CNTNAP2: variants seen among roughly 807,000 people sequenced by gnomAD.
CNTNAP2 encodes contactin associated protein 2.
CNTNAP2 carries 98 observed loss-of-function variants against 155.2 expected under a neutral mutation model. The ratio of observed to expected loss-of-function variants is 0.63; its 90% CI spans 0.54 to 0.75. The LOEUF is 0.75. CNTNAP2 is among the 30% of genes least tolerant of loss of function. CNTNAP2 has a pLI of 0.00. For synonymous variants in CNTNAP2, 651 were observed against 631.2 expected (o/e 1.03, Z -0.47); for missense variants, 1,727 against 1,688.1 (o/e 1.02, Z -0.40).
At chr7:148,402,042 A>G (rs1046761249) in intron 22 of CNTNAP2, among the ~76,000 whole-genome samples, 5 of 152,236 alleles carry the variant, frequency 3.3e-5, no homozygotes, top group Admixed American at 3.3e-4. Context: ...ACTGATGGAA[A>G]GAGGGAGTAC....
intron 2 of CNTNAP2, among the ~76,000 whole-genome samples, chr7:146,816,674 G>A (rs920577069): frequency 2.6e-5 from 4 of 152,132 alleles, no homozygotes; most frequent in African/African-American, 7.2e-5. Context: ...TTAAACAGTA[G>A]GATAGACTGC....
intron 1 of CNTNAP2, 141 bp from the exon 2 acceptor site, chr7:146,774,130 G>T (rs1802345472): frequency 5.9e-6 from 4 of 678,948 alleles, no homozygotes; most frequent in Non-Finnish European, 1.1e-5. Context: ...TAACAGAATT[G>T]CCTAAATTCC....
At chr7:146,693,971 T>C (rs1030370551) in intron 1 of CNTNAP2, among the ~76,000 whole-genome samples, 16 of 151,936 alleles carry the variant, frequency 1.1e-4, no homozygotes, top group Non-Finnish European at 5.9e-5. Flanking sequence ...TAATTTTAAG[T>C]GAGAACAAAA....
intron 1 of CNTNAP2, among the ~76,000 whole-genome samples, chr7:146,157,454 G>C (rs1039616717): frequency 6.6e-6 from 1 of 152,120 alleles, no homozygotes; most frequent in African/African-American, 2.4e-5. Context: ...CATTTGGGAA[G>C]CACAAGGGGT....
intron 1 of CNTNAP2, among the ~76,000 whole-genome samples, chr7:146,492,237 G>T (rs1439169493): frequency 1.3e-5 from 2 of 150,304 alleles, no homozygotes; most frequent in Non-Finnish European, 3.0e-5. Flanking sequence ...AGGAGAGAGA[G>T]GGGGAGAGAG....
intron 13 of CNTNAP2, among the ~76,000 whole-genome samples, chr7:147,888,496 T>C (rs1165036732): frequency 6.6e-6 from 1 of 150,544 alleles, no homozygotes; most frequent in African/African-American, 2.4e-5. Context: ...CTAATTGGAG[T>C]TGTGAAAGAA....
intron 1 of CNTNAP2, among the ~76,000 whole-genome samples, chr7:146,123,795 T>C (rs551870610): frequency 1.1e-4 from 17 of 152,170 alleles, no homozygotes; most frequent in African/African-American, 4.1e-4. Flanking sequence ...CTAAGAAAAT[T>C]GTCTTAAAAT....
chr7:147,101,103 C>T (rs1340112425), intron 4 of CNTNAP2, among the ~76,000 whole-genome samples: 1 of 152,072 alleles, frequency 6.6e-6, no homozygotes, highest in Non-Finnish European at 1.5e-5. Context: ...GTGAAGTTTG[C>T]GAGGAATTCA....
At chr7:147,519,750 A>G (rs545131165) in intron 11 of CNTNAP2, among the ~76,000 whole-genome samples, 51 of 152,286 alleles carry the variant, frequency 3.3e-4, no homozygotes, top group African/African-American at 1.1e-3. Flanking sequence ...CTGTCATCCC[A>G]GCTACTGGGG....
At chr7:148,249,086 A>G (rs1252233731) in intron 20 of CNTNAP2, among the ~76,000 whole-genome samples, 2 of 152,204 alleles carry the variant, frequency 1.3e-5, no homozygotes, top group Non-Finnish European at 2.9e-5. Context: ...TTATGTTATA[A>G]GGATTCTTTA....
chr7:147,573,959 T>G (rs1241532074), intron 12 of CNTNAP2, among the ~76,000 whole-genome samples: 1 of 152,198 alleles, frequency 6.6e-6, no homozygotes, highest in East Asian at 1.9e-4. Flanking sequence ...CCAGATGTTC[T>G]GAAATTTCAA....
At chr7:146,898,441 T>A (rs1448486421) in intron 3 of CNTNAP2, among the ~76,000 whole-genome samples, 1 of 151,888 alleles carries the variant, frequency 6.6e-6, no homozygotes, top group Non-Finnish European at 1.5e-5. Context: ...CCTAGTTAAA[T>A]GAGAGTTTCA....
At chr7:147,868,868 A>G (rs1035208810) in intron 13 of CNTNAP2, among the ~76,000 whole-genome samples, 1 of 152,342 alleles carries the variant, frequency 6.6e-6, no homozygotes, top group South Asian at 2.1e-4. Flanking sequence ...TTTTCCAGGT[A>G]CAGTCTGTCA....
chr7:147,585,842 A>G (rs998593978), intron 12 of CNTNAP2, among the ~76,000 whole-genome samples: 4 of 151,958 alleles, frequency 2.6e-5, no homozygotes, highest in Admixed American at 6.6e-5. Context: ...TATATATAAT[A>G]CTTTATAGGC....
At chr7:147,641,720 C>T (rs1002713666) in intron 13 of CNTNAP2, among the ~76,000 whole-genome samples, 1 of 151,976 alleles carries the variant, frequency 6.6e-6, no homozygotes. Context: ...AGAGCTCTGT[C>T]ATGTGAGGGC....
chr7:148,366,298 ATATG>A (rs145499123), intron 21 of CNTNAP2, among the ~76,000 whole-genome samples: 1,555 of 150,190 alleles, frequency 0.01, 35 homozygotes, highest in African/African-American at 0.035. Flanking sequence ...GTACATGTAT[ATATG>A]TATGTATGTA....
intron 3 of CNTNAP2, among the ~76,000 whole-genome samples, chr7:147,032,717 A>T (rs2129250647): frequency 6.6e-6 from 1 of 152,210 alleles, no homozygotes; most frequent in Non-Finnish European, 1.5e-5. Context: ...AAGAGAGAAA[A>T]AAAGGAGAGA....
chr7:146,335,967 A>G (rs2129095724), intron 1 of CNTNAP2, among the ~76,000 whole-genome samples: 1 of 152,314 alleles, frequency 6.6e-6, no homozygotes. Context: ...TGGGAGGCTG[A>G]GGTGGGCAGA....
intron 2 of CNTNAP2, among the ~76,000 whole-genome samples, chr7:146,837,076 T>A (rs1229920742): frequency 6.6e-6 from 1 of 152,148 alleles, no homozygotes; most frequent in African/African-American, 2.4e-5. Context: ...ATCTCCTGCC[T>A]GGAATTCAAT....
Sources: allele counts gnomAD v4.1 joint callset (sites outside exome capture counted in the v4.1 genomes callset), GRCh38; gene constraint gnomAD v4.1.1; transcripts MANE v1.5; gene names NCBI Gene and HGNC (gene_info 2026-07-23, HGNC 2026-07-21).